Variants in OPCML observed in about 807,000 individuals in gnomAD.
OPCML encodes the protein opioid-binding protein/cell adhesion molecule.
In OPCML, 13 loss-of-function variants were observed where a neutral mutation model predicts 37.8. The observed-to-expected ratio is 0.34, with a 90% confidence interval of 0.22 to 0.55. The LOEUF (loss-of-function observed/expected upper bound fraction) is 0.55. Among genes scored for constraint, OPCML ranks in the 20% least tolerant of loss-of-function variants. OPCML has a pLI of 0.91. For missense variants in OPCML, 341 were observed against 435.6 expected, an observed-to-expected ratio of 0.78 and a Z score of 1.93; for synonymous variants, 176 against 168.8, an observed-to-expected ratio of 1.04 and a Z score of -0.33.
chr11:132,938,481 G>C (rs920638848), intron 2 of OPCML, among the ~76,000 whole-genome samples: 1 of 152,218 alleles, frequency 6.6e-6, no homozygotes, highest in Admixed American at 6.5e-5. Context: ...AAAAAAATGT[G>C]TGAGTATTGT....
At chr11:132,625,358 C>G (rs1939674549) in intron 3 of OPCML, among the ~76,000 whole-genome samples, 1 of 152,112 alleles carries the variant, frequency 6.6e-6, no homozygotes, top group Non-Finnish European at 1.5e-5. Context: ...TAGAAGCAGT[C>G]CATGATCTGA....
At chr11:133,505,948 C>G (rs1226896893) in intron 1 of OPCML, among the ~76,000 whole-genome samples, 1 of 152,162 alleles carries the variant, frequency 6.6e-6, no homozygotes, top group African/African-American at 2.4e-5. Flanking sequence ...GAAGTTCGCA[C>G]CATTTTCTTC....
At chr11:133,401,580 T>C (rs1422071721) in intron 1 of OPCML, among the ~76,000 whole-genome samples, 1 of 152,160 alleles carries the variant, frequency 6.6e-6, no homozygotes, top group Non-Finnish European at 1.5e-5. Flanking sequence ...GATATTGATA[T>C]TATTATTAAT....
At chr11:132,710,315 G>A (rs1169351322) in intron 2 of OPCML, among the ~76,000 whole-genome samples, 1 of 152,088 alleles carries the variant, frequency 6.6e-6, no homozygotes, top group Non-Finnish European at 1.5e-5. Context: ...GTCTACTTTA[G>A]GGTTTATGGT....
intron 2 of OPCML, among the ~76,000 whole-genome samples, chr11:132,898,648 T>C (rs1179100280): frequency 1.3e-5 from 2 of 152,148 alleles, no homozygotes; most frequent in African/African-American, 4.8e-5. Flanking sequence ...ATAGTCAGGA[T>C]ACATGGAGTC....
At chr11:133,498,789 G>T (rs1354774648) in intron 1 of OPCML, among the ~76,000 whole-genome samples, 1 of 152,174 alleles carries the variant, frequency 6.6e-6, no homozygotes, top group South Asian at 2.1e-4. Flanking sequence ...CATGAGAAAT[G>T]AATCTTATAA....
chr11:133,186,117 T>C (rs1938059662), intron 1 of OPCML, among the ~76,000 whole-genome samples: 1 of 152,228 alleles, frequency 6.6e-6, no homozygotes. Flanking sequence ...TTTAGTTTGT[T>C]CATGAGACTT....
intron 3 of OPCML, among the ~76,000 whole-genome samples, chr11:132,631,373 A>ATATATATATATATATATC (rs1199864303): frequency 1.5e-5 from 2 of 133,990 alleles, no homozygotes; most frequent in African/African-American, 5.3e-5. Context: ...ATATATATAT[A>ATATATATATATATATATC]TATCTCCTAG....
chr11:133,209,025 C>T (rs1236032271), intron 1 of OPCML, among the ~76,000 whole-genome samples: 1 of 152,186 alleles, frequency 6.6e-6, no homozygotes, highest in Non-Finnish European at 1.5e-5. Context: ...TTGTAAATTT[C>T]ACTCATCATG....
chr11:133,411,798 G>C (rs1158714270), intron 1 of OPCML, among the ~76,000 whole-genome samples: 1 of 152,146 alleles, frequency 6.6e-6, no homozygotes, highest in African/African-American at 2.4e-5. Context: ...GCTTGTGGTG[G>C]AAGATCACCT....
At chr11:133,122,005 G>A (rs1359698783) in intron 1 of OPCML, among the ~76,000 whole-genome samples, 1 of 152,188 alleles carries the variant, frequency 6.6e-6, no homozygotes, top group Admixed American at 6.5e-5. Flanking sequence ...GCATATTGAT[G>A]TAGGGCCTGG....
At chr11:133,233,319 A>G (rs1940359067) in intron 1 of OPCML, among the ~76,000 whole-genome samples, 1 of 152,090 alleles carries the variant, frequency 6.6e-6, no homozygotes, top group Non-Finnish European at 1.5e-5. Flanking sequence ...TTTTGAGCTG[A>G]AGGAAACTGG....
intron 1 of OPCML, among the ~76,000 whole-genome samples, chr11:133,381,034 G>A (rs1233610836): frequency 1.3e-5 from 2 of 152,242 alleles, no homozygotes; most frequent in Non-Finnish European, 2.9e-5. Context: ...TTAAATGTGT[G>A]CTACACCCAG....
chr11:133,488,313 G>A (rs1947576520), intron 1 of OPCML, among the ~76,000 whole-genome samples: 1 of 152,094 alleles, frequency 6.6e-6, no homozygotes, highest in African/African-American at 2.4e-5. Context: ...TGGAAAAGAA[G>A]AAGTCACATT....
At position 132,694,259 on chromosome 11, in the gene OPCML, C is replaced by T. The variant is rs1943521320; in HGVS notation, c.147-36940G>A. ...CTATCATCAGGCTGGAGTGCAGTGG[C>T]GCGATCTTGGCTCACTGCAATCTCC... On this transcript the variant is annotated intron_variant, in intron 2 of 7. Transcript: ENST00000524381. 5.7e-5 allele frequency among the ~76,000 whole-genome samples: 7 copies of T among 122,002 alleles called. No homozygotes were observed. The South Asian group carries it at 2.0e-3, about 35-fold the overall frequency. The allele number at this position is 122,002 out of a possible 152,430, so 80.0% of individuals were successfully genotyped here.
intron 1 of OPCML, among the ~76,000 whole-genome samples, chr11:133,204,801 A>AAAT (rs1291353524): frequency 6.7e-6 from 1 of 150,158 alleles, no homozygotes; most frequent in Non-Finnish European, 1.5e-5. Context: ...TACTGACCTT[A>AAAT]AATGAGTTCA....
intron 4 of OPCML, among the ~76,000 whole-genome samples, chr11:132,441,268 C>G (rs1301557196): frequency 6.9e-6 from 1 of 143,980 alleles, no homozygotes; most frequent in Admixed American, 7.0e-5. Context: ...CCCGGGTTCA[C>G]GCCATTCTCC....
At chr11:133,316,153 A>T (rs1017072614) in intron 1 of OPCML, among the ~76,000 whole-genome samples, 1 of 152,124 alleles carries the variant, frequency 6.6e-6, no homozygotes, top group Admixed American at 6.5e-5. Context: ...GGAAGAGGAG[A>T]CCAGAGTCAG....
intron 2 of OPCML, among the ~76,000 whole-genome samples, chr11:132,891,268 A>T (rs536545398): frequency 1.3e-5 from 2 of 152,148 alleles, no homozygotes; most frequent in African/African-American, 4.8e-5. Flanking sequence ...GCACACAGCA[A>T]TTGTTGCTGT....
Sources: allele counts gnomAD v4.1 joint callset (sites outside exome capture counted in the v4.1 genomes callset), GRCh38; gene constraint gnomAD v4.1.1; transcripts MANE v1.5; gene names NCBI Gene and HGNC (gene_info 2026-07-23, HGNC 2026-07-21).